Variants in FKBP4 observed in about 807,000 individuals in gnomAD.
FKBP4 encodes FKBP prolyl isomerase 4, also known as peptidyl-prolyl cis-trans isomerase FKBP4.
Under a neutral mutation model 54.1 loss-of-function variants are expected in FKBP4, and 28 were observed. The ratio of observed to expected loss-of-function variants is 0.52; its 90% CI spans 0.38 to 0.71. FKBP4 has a LOEUF of 0.71. FKBP4 is among the 30% of genes least tolerant of loss of function. The probability of loss-of-function intolerance (pLI) is 0.00; values close to 1 mark genes in which losing one functional copy is unlikely to be tolerated. For missense variants in FKBP4, 493 were observed against 574.4 expected (o/e 0.86, Z 1.45); for synonymous variants, 223 against 216.1 (o/e 1.03, Z -0.28).
In FKBP4 at chr12:2,798,673, T is replaced by G; in HGVS notation, c.394-33T>G. 1.2e-6 allele frequency: 2 copies of G among 1,612,190 alleles called. No individual in the cohort carries two copies. Among genetic ancestry groups the G allele is most frequent in the South Asian group, 1.1e-5 (1 of 91,000 alleles). ...GTGTTTCACTGCCCATGAGTTAGCA[T>G]GGGAAGGAATTGTGTCACATCTTGT... On this transcript the variant is annotated intron_variant, in intron 3 of 9. Coordinates refer to ENST00000001008, the MANE Select transcript of FKBP4 (RefSeq NM_002014.4). The surrounding 1 kb of genome is among the most constrained non-coding windows in gnomAD (Gnocchi z 4.3).
chr12:2,805,096 A>G lies in FKBP4; in HGVS notation c.*1838A>G, dbSNP rs1292078444. 1 of 452,246 alleles carries G rather than the reference A, an allele frequency of 2.2e-6. No homozygotes were observed. Among genetic ancestry groups the G allele is most frequent in the African/African-American group, 2.0e-5 (1 of 49,942 alleles). 28.0% of individuals were successfully genotyped at this position (452,246 alleles called of 1,614,324 possible). ...GTAAGCCTAGCACTGTACTGACAGCATCACATGAGTGAAACTGAATCCTTG... is the reference window on the plus strand; with the variant it reads ...GTAAGCCTAGCACTGTACTGACAGCGTCACATGAGTGAAACTGAATCCTTG... On this transcript the variant is annotated 3_prime_UTR_variant, in exon 10 of 10. Transcript: ENST00000001008.
chr12:2,796,997 CTG>C lies in FKBP4; in HGVS notation c.106-140_106-139del, dbSNP rs370405646. The C allele has an allele frequency of 9.5e-5, 136 of 1,424,732 alleles. No individual in the cohort carries two copies. The African/African-American group carries it at 1.8e-3, about 19-fold the overall frequency. The allele number at this position is 1,424,732 out of a possible 1,614,324, so 88.3% of individuals were successfully genotyped here. A position where few individuals can be genotyped will look rare whatever the true frequency, so the allele number is the denominator to read the frequency against. ...GACTCATAAGCCAAGCTGCTAGTAA[CTG>C]AATCTGGAGGGACAAGTAGGCAGAG... On this transcript the variant is annotated intron_variant, in intron 1 of 9. Coordinates refer to ENST00000001008, the MANE Select transcript of FKBP4 (RefSeq NM_002014.4).
At chr12:2,800,780 G>C (rs1055928611) in intron 8 of FKBP4, among the ~76,000 whole-genome samples, 1 of 152,234 alleles carries the variant, frequency 6.6e-6, no homozygotes, top group Admixed American at 6.5e-5. Context: ...TGGCAAGAAG[G>C]AGGAGGACAC....
In FKBP4 at chr12:2,798,597, G is replaced by A. The variant is rs1475235217; in HGVS notation, c.394-109G>A. The stretch of plus-strand genomic sequence containing the variant: ...CCCAACTCCTTGTGACTGCCCTTGT[G>A]GTCAGATCCGGCCTGGCAGTTAGTA... On this transcript the variant is annotated intron_variant, in intron 3 of 9. Coordinates refer to ENST00000001008, the MANE Select transcript of FKBP4 (RefSeq NM_002014.4). This position sits in a 1 kb window ranked among gnomAD's most constrained non-coding sequence, Gnocchi z 4.3. 4 of 1,566,774 alleles carry A rather than the reference G, an allele frequency of 2.6e-6. No individual in the cohort carries two copies. In the East Asian group the frequency reaches 9.1e-5, roughly 36 times the overall value.
rs753332465 is a variant in FKBP4 at position 2,795,176 on chromosome 12, G to T, written c.37G>T (p.Ala13Ser). The change falls in exon 1 of 10, where the codon GCG becomes TCG. Residue 13 changes from alanine (A) to serine (S), a missense_variant. By Grantham distance (99) the Ala-to-Ser change is moderately conservative. Coordinates refer to ENST00000001008, the MANE Select transcript of FKBP4 (RefSeq NM_002014.4). This position sits in a 1 kb window ranked among gnomAD's most constrained non-coding sequence, Gnocchi z 4.3. ...GGAGATGAAGGCGACCGAGAGCGGG[G>T]CGCAGTCGGCGCCGCTGCCCATGGA... ...AEEMKATESGAQSAPLPMEGV... is the reference protein window; with the variant it reads ...AEEMKATESGSQSAPLPMEGV... 1 of 1,318,136 alleles carries T rather than the reference G, an allele frequency of 7.6e-7. No individual in the cohort carries two copies. The highest frequency in any genetic ancestry group is 9.8e-7 in the Non-Finnish European group (1 of 1,025,078). The allele number at this position is 1,318,136 out of a possible 1,614,324, so 81.7% of individuals were successfully genotyped here.
intron 9 of FKBP4, chr12:2,801,852 C>T (rs1481263930): frequency 3.6e-6 from 1 of 280,588 alleles, no homozygotes; most frequent in African/African-American, 2.2e-5. Flanking sequence ...GTCTGCCTCC[C>T]CCACCAGAAG....
chr12:2,805,094 G>C lies in FKBP4; in HGVS notation c.*1836G>C. 2.2e-6 allele frequency: 1 copy of C among 451,474 alleles called. No homozygotes were observed. The highest frequency in any genetic ancestry group is 4.5e-6 in the Non-Finnish European group (1 of 224,606). The allele number at this position is 451,474 out of a possible 1,614,324, so 28.0% of individuals were successfully genotyped here. On this transcript the variant is annotated 3_prime_UTR_variant, in exon 10 of 10. Transcript: ENST00000001008. ...GAGTAAGCCTAGCACTGTACTGACAGCATCACATGAGTGAAACTGAATCCT... is the reference window on the plus strand; with the variant it reads ...GAGTAAGCCTAGCACTGTACTGACACCATCACATGAGTGAAACTGAATCCT...
rs376603766 is a variant in FKBP4 at position 2,800,210 on chromosome 12, C to G, written c.846+88C>G. On this transcript the variant is annotated intron_variant, in intron 7 of 9. Transcript: ENST00000001008. ...CCTTGGTGACTGAGATCATTTTCTG[C>G]CAAGAAGTGGACAGGTTGGCACCTG... The G allele has an allele frequency of 2.7e-6, 4 of 1,491,208 alleles. No individual in the cohort carries two copies. The East Asian group carries it at 9.1e-5, about 34-fold the overall frequency. The allele number at this position is 1,491,208 out of a possible 1,614,324, so 92.4% of individuals were successfully genotyped here.
chr12:2,797,705 T>C (rs544094267), intron 2 of FKBP4, 24 bp from the exon 3 acceptor site: 1 of 1,601,098 alleles, frequency 6.2e-7, no homozygotes, highest in African/African-American at 1.3e-5. Flanking sequence ...GCTAAGGCGG[T>C]CCTGTTTGCT....
intron 1 of FKBP4, chr12:2,796,450 A>C (rs1434127674): frequency 8.0e-7 from 1 of 1,254,304 alleles, no homozygotes; most frequent in Non-Finnish European, 1.0e-6. Flanking sequence ...TCTTCGTGGA[A>C]GCTTTCCCTT....
rs2097903305 is a variant in FKBP4 at position 2,798,900 on chromosome 12, TC to T, written c.514+76del. On this transcript the variant is annotated intron_variant, in intron 4 of 9. Coordinates refer to ENST00000001008, the MANE Select transcript of FKBP4 (RefSeq NM_002014.4). This position sits in a 1 kb window ranked among gnomAD's most constrained non-coding sequence, Gnocchi z 4.3. ...CTTGTGTGGCTTTGGGCAAGACACTTCCGTTCTCCGAGCCTATCTTCTTGTC... is the reference window on the plus strand; with the variant it reads ...CTTGTGTGGCTTTGGGCAAGACACTTCGTTCTCCGAGCCTATCTTCTTGTC... 6.6e-7 allele frequency: 1 copy of T among 1,524,908 alleles called. No homozygotes were observed. The allele number at this position is 1,524,908 out of a possible 1,614,324, so 94.5% of individuals were successfully genotyped here.
chr12:2,798,043 A>G lies in FKBP4; in HGVS notation c.393+172A>G, dbSNP rs2097902857. Among the ~76,000 whole-genome samples, 1 of 152,212 alleles carries G rather than the reference A, an allele frequency of 6.6e-6. No individual in the cohort carries two copies. The highest frequency in any genetic ancestry group is 1.5e-5 in the Non-Finnish European group (1 of 68,038). On this transcript the variant is annotated intron_variant, in intron 3 of 9. Coordinates refer to ENST00000001008, the MANE Select transcript of FKBP4 (RefSeq NM_002014.4). This position sits in a 1 kb window ranked among gnomAD's most constrained non-coding sequence, Gnocchi z 4.3. ...TCTGCTGCTGCTAGTAATGGAAGTA[A>G]TAGAAGCTTCGGGTGGGAAGAGGCA...
At chr12:2,797,326 A>T in intron 2 of FKBP4, 44 bp downstream of exon 2, 1 of 1,605,218 alleles carries the variant, frequency 6.2e-7, no homozygotes, top group South Asian at 1.1e-5. Flanking sequence ...CGAGGTGGAC[A>T]CAAGCTGTCA....
intron 8 of FKBP4, 135 bp downstream of exon 8, chr12:2,800,712 A>G: frequency 1.2e-6 from 1 of 852,278 alleles, no homozygotes. Flanking sequence ...GAGGTTACAG[A>G]CCAAAGGCAC....
intron 1 of FKBP4, chr12:2,796,641 TC>T (rs1020269961): frequency 4.4e-6 from 5 of 1,131,358 alleles, no homozygotes; most frequent in Non-Finnish European, 5.5e-6. Flanking sequence ...TTGAACTGTT[TC>T]TATTCTCTTC....
chr12:2,802,626 C>T (rs1323482879), intron 9 of FKBP4, among the ~76,000 whole-genome samples: 1 of 152,242 alleles, frequency 6.6e-6, no homozygotes, highest in East Asian at 1.9e-4. Context: ...CGAGTTTGAA[C>T]TAGCCACTTA....
In FKBP4 at chr12:2,795,289, C is replaced by T. The variant is rs753050172; in HGVS notation, c.105+45C>T. 3.1e-5 allele frequency: 34 copies of T among 1,090,672 alleles called. No homozygotes were observed. The African/African-American group carries it at 4.4e-4, about 14-fold the overall frequency. 67.6% of individuals were successfully genotyped at this position (1,090,672 alleles called of 1,614,324 possible). A position where few individuals can be genotyped will look rare whatever the true frequency, so the allele number is the denominator to read the frequency against. ...GCGGAGGCGTCGGAACCCGGGGCCC[C>T]GCGGGCCGCCCTTCCGCCGCGCCCG... On this transcript the variant is annotated intron_variant, in intron 1 of 9. Coordinates refer to ENST00000001008, the MANE Select transcript of FKBP4 (RefSeq NM_002014.4). This position sits in a 1 kb window ranked among gnomAD's most constrained non-coding sequence, Gnocchi z 4.3.
Position 2,804,666 on chromosome 12 carries a change from T to G in FKBP4, c.*1408T>G, listed in dbSNP as rs1349716577. On this transcript the variant is annotated 3_prime_UTR_variant, in exon 10 of 10. Transcript: ENST00000001008. ...CTCTCCAGTCCTTTCCCAACAGCGA[T>G]GTGGTTGTCTGCTTAGCCACATGCC... The G allele has an allele frequency of 6.5e-6, 1 of 152,884 alleles. No homozygotes were observed. Among genetic ancestry groups the G allele is most frequent in the African/African-American group, 2.4e-5 (1 of 41,480 alleles). 9.5% of individuals were successfully genotyped at this position (152,884 alleles called of 1,614,324 possible). A position where few individuals can be genotyped will look rare whatever the true frequency, so the allele number is the denominator to read the frequency against.
At position 2,798,863 on chromosome 12, in the gene FKBP4, T is replaced by C; in HGVS notation, c.514+37T>C. ...CAGTCTGGGCTTTCAATTCTCATTC[T>C]GATATTTAGGCCTTGTGTGGCTTTG... On this transcript the variant is annotated intron_variant, in intron 4 of 9. Transcript: ENST00000001008. The surrounding 1 kb of genome is among the most constrained non-coding windows in gnomAD (Gnocchi z 4.3). The C allele has an allele frequency of 6.2e-7, 1 of 1,606,260 alleles. No individual in the cohort carries two copies.
Sources: allele counts gnomAD v4.1 joint callset (sites outside exome capture counted in the v4.1 genomes callset), GRCh38; gene constraint gnomAD v4.1.1; non-coding constraint Gnocchi (gnomAD v3.1); transcripts MANE v1.5; gene names NCBI Gene and HGNC (gene_info 2026-07-23, HGNC 2026-07-21).